The following GRM1 variants were observed in gnomAD, a reference collection of about 807,000 sequenced individuals.
The protein encoded by GRM1 is metabotropic glutamate receptor 1.
GRM1 carries 33 observed loss-of-function variants against 90.9 expected under a neutral mutation model. The observed-to-expected ratio is 0.36, with a 90% CI of 0.28 to 0.49. GRM1 has a LOEUF of 0.49. Among genes scored for constraint, GRM1 ranks in the 20% least tolerant of loss-of-function variants. The probability of loss-of-function intolerance (pLI) is 0.99; values close to 1 mark genes in which losing one functional copy is unlikely to be tolerated. For synonymous variants in GRM1, 700 were observed against 613.2 expected (o/e 1.14, Z -2.09); for missense variants, 1,190 against 1,534.3 (o/e 0.78, Z 3.75).
chr6:146,131,328 T>A (rs1776389784), intron 1 of GRM1, among the ~76,000 whole-genome samples: 1 of 152,070 alleles, frequency 6.6e-6, no homozygotes, highest in South Asian at 2.1e-4. Flanking sequence ...AACCTAGAAT[T>A]TTTTGTGTGG....
At chr6:146,052,144 G>T (rs1407363960) in intron 1 of GRM1, among the ~76,000 whole-genome samples, 2 of 152,008 alleles carry the variant, frequency 1.3e-5, no homozygotes, top group Admixed American at 1.3e-4. Context: ...TTGTGAGGCT[G>T]TGAGGAAAAC....
chr6:146,148,974 G>A (rs528884101), intron 1 of GRM1, among the ~76,000 whole-genome samples: 2 of 152,294 alleles, frequency 1.3e-5, no homozygotes, highest in African/African-American at 2.4e-5. Context: ...GGAAACCACA[G>A]TGGGAAATGC....
chr6:146,057,264 C>T lies in GRM1; in HGVS notation c.700+27047C>T, dbSNP rs140039087. Among the ~76,000 whole-genome samples, 25 of 152,224 alleles carry T rather than the reference C, an allele frequency of 1.6e-4. No individual in the cohort carries two copies. The East Asian group carries it at 4.1e-3, about 25-fold the overall frequency. On this transcript the variant is annotated intron_variant, in intron 1 of 7. Coordinates refer to ENST00000282753, the MANE Select transcript of GRM1 (RefSeq NM_001278064.2). ...GAATAGTACATTGCCTTTGTAGCCACTTTTCAATGTAGAACTTCAGATGCT... is the reference window on the plus strand; with the variant it reads ...GAATAGTACATTGCCTTTGTAGCCATTTTTCAATGTAGAACTTCAGATGCT...
intron 7 of GRM1, among the ~76,000 whole-genome samples, chr6:146,420,457 G>A (rs887399935): frequency 4.6e-5 from 7 of 152,360 alleles, no homozygotes; most frequent in Non-Finnish European, 8.8e-5. Context: ...TTATCAAAAT[G>A]ACTGTGACTC....
chr6:146,140,158 T>C (rs117734521), intron 1 of GRM1, among the ~76,000 whole-genome samples: 1,380 of 122,114 alleles, frequency 0.011, 63 homozygotes, highest in East Asian at 0.1. Flanking sequence ...TCCTTCTTTC[T>C]CCTTCCTTCC....
At chr6:146,431,853 G>T (rs1201589883) in intron 7 of GRM1, among the ~76,000 whole-genome samples, 1 of 152,154 alleles carries the variant, frequency 6.6e-6, no homozygotes, top group African/African-American at 2.4e-5. Context: ...GAGGCATATT[G>T]AATGCATAAA....
intron 2 of GRM1, among the ~76,000 whole-genome samples, chr6:146,203,009 C>T (rs1007691360): frequency 1.3e-5 from 2 of 151,866 alleles, no homozygotes; most frequent in Non-Finnish European, 2.9e-5. Context: ...TCCTGGCTAA[C>T]ACGGTGAAAC....
intron 1 of GRM1, among the ~76,000 whole-genome samples, chr6:146,142,311 C>G (rs532976225): frequency 6.6e-6 from 1 of 152,204 alleles, no homozygotes; most frequent in Non-Finnish European, 1.5e-5. Context: ...GTGACACAAG[C>G]ACTCCTGTGG....
intron 7 of GRM1, among the ~76,000 whole-genome samples, chr6:146,411,391 A>T (rs1435683749): frequency 6.6e-6 from 1 of 152,058 alleles, no homozygotes; most frequent in Non-Finnish European, 1.5e-5. Flanking sequence ...GGAGCAGAGG[A>T]AGTAAGAAGG....
At chr6:146,378,514 A>G (rs1181427141) in intron 5 of GRM1, among the ~76,000 whole-genome samples, 1 of 152,182 alleles carries the variant, frequency 6.6e-6, no homozygotes, top group Non-Finnish European at 1.5e-5. Flanking sequence ...TGACTGCCAT[A>G]TTGGGTTTCG....
At chr6:146,083,700 T>G (rs1562452437) in intron 1 of GRM1, among the ~76,000 whole-genome samples, 1 of 152,304 alleles carries the variant, frequency 6.6e-6, no homozygotes, top group South Asian at 2.1e-4. Flanking sequence ...GTTTCCTTTT[T>G]TGTTGTGTCT....
chr6:146,399,360 C>A lies in GRM1; in HGVS notation c.2321C>A (p.Thr774Asn). The A allele has an allele frequency of 6.2e-7, 1 of 1,614,180 alleles. No individual in the cohort carries two copies. The highest frequency in any genetic ancestry group is 8.5e-7 in the Non-Finnish European group (1 of 1,180,028). ...AGCTGTACCTACTATGCCTTCAAGA[C>A]CCGCAACGTGCCCGCCAACTTCAAC... ...IMSCTYYAFK[T>N]RNVPANFNEA... Residue 774 changes from threonine to asparagine, a missense_variant, in exon 7 of 8, where the codon ACC (threonine) becomes AAC (asparagine). Physicochemically the swap from Thr to Asn is moderately conservative, Grantham distance 65 (BLOSUM62 0). Transcript: ENST00000282753. This position sits in a 1 kb window ranked among gnomAD's most constrained non-coding sequence, Gnocchi z 5.4.
intron 1 of GRM1, among the ~76,000 whole-genome samples, chr6:146,112,733 G>A (rs151265164): frequency 5.4e-4 from 82 of 152,258 alleles, no homozygotes; most frequent in African/African-American, 1.8e-3. Flanking sequence ...CTGCTGTTTG[G>A]AATTAGAGAT....
chr6:146,317,464 T>A (rs1162493567), intron 3 of GRM1, among the ~76,000 whole-genome samples: 4 of 152,230 alleles, frequency 2.6e-5, no homozygotes, highest in Non-Finnish European at 5.9e-5. Flanking sequence ...AATTGCTTCC[T>A]GTATCTATAT....
chr6:146,376,399 A>T (rs967962288), intron 5 of GRM1, among the ~76,000 whole-genome samples: 5 of 151,968 alleles, frequency 3.3e-5, no homozygotes, highest in Non-Finnish European at 7.4e-5. Flanking sequence ...TTTATTGTTC[A>T]TTAATGTTCT....
chr6:146,248,111 C>T (rs1406915923), intron 2 of GRM1, among the ~76,000 whole-genome samples: 1 of 151,868 alleles, frequency 6.6e-6, no homozygotes, highest in African/African-American at 2.4e-5. Flanking sequence ...GTAAGCCTTC[C>T]TCCTTTGCTT....
rs529580649 is a variant in GRM1, at chr6:146,343,707, C to T, written c.1187-8543C>T. ...ATTGAGATGGAGTCTTTCTCTGTTG[C>T]CCAGGCTGGAATGCAGTGGCACAAT... On this transcript the variant is annotated intron_variant, in intron 3 of 7. Coordinates refer to ENST00000282753, the MANE Select transcript of GRM1 (RefSeq NM_001278064.2). 2.7e-5 allele frequency among the ~76,000 whole-genome samples: 4 copies of T among 146,500 alleles called. No homozygotes were observed. The East Asian group carries it at 5.9e-4, about 21-fold the overall frequency.
chr6:146,417,811 G>A (rs1007277321), intron 7 of GRM1, among the ~76,000 whole-genome samples: 1 of 151,840 alleles, frequency 6.6e-6, no homozygotes, highest in Non-Finnish European at 1.5e-5. Context: ...TTTAACTTTT[G>A]GCAAGTTGTT....
At chr6:146,258,971 A>G (rs145003191) in intron 2 of GRM1, among the ~76,000 whole-genome samples, 20 of 152,268 alleles carry the variant, frequency 1.3e-4, no homozygotes, top group African/African-American at 4.1e-4. Context: ...TAATACATGA[A>G]AAAGCCCTTT....
Sources: gnomAD v4.1 joint callset for allele counts (sites outside exome capture counted in the v4.1 genomes callset) on GRCh38, gnomAD v4.1.1 for gene constraint, Gnocchi (gnomAD v3.1) non-coding constraint, MANE v1.5 for transcripts, NCBI Gene and HGNC (gene_info 2026-07-23, HGNC 2026-07-21) for gene names.